Variants in SUPT7L observed in about 807,000 individuals in gnomAD.
The protein encoded by SUPT7L is STAGA complex 65 subunit gamma.
In SUPT7L, 15 loss-of-function variants were observed where a neutral mutation model predicts 35.7. The observed-to-expected ratio is 0.42, with a 90% confidence interval of 0.28 to 0.65. The LOEUF is 0.65. Ranked by LOEUF, SUPT7L falls within the 30% of genes least tolerant of loss-of-function variation. The pLI is 0.23. For synonymous variants in SUPT7L, 168 were observed against 186.2 expected (o/e 0.90, Z 0.79); for missense variants, 434 against 522.2 (o/e 0.83, Z 1.65).
At chr2:27,647,880 C>G (rs778110020), downstream of SUPT7L, 11 of 1,613,576 alleles carry the variant, frequency 6.8e-6, no homozygotes, top group East Asian at 2.2e-5. Flanking sequence ...GATCCTGACT[C>G]GAGGAACCTT....
chr2:27,647,532 C>A (rs185920315), downstream of SUPT7L, among the ~76,000 whole-genome samples: 36 of 152,284 alleles, frequency 2.4e-4, no homozygotes, highest in African/African-American at 8.4e-4. Flanking sequence ...AAAACCATCA[C>A]CCCTTCCAAG....
At chr2:27,658,642 A>C (rs1182262356) in intron 3 of SUPT7L, among the ~76,000 whole-genome samples, 1 of 152,246 alleles carries the variant, frequency 6.6e-6, no homozygotes, top group African/African-American at 2.4e-5. Flanking sequence ...GCACTGTACA[A>C]AAGTGCCTGA....
chr2:27,663,461 G>C lies in SUPT7L; in HGVS notation c.-222C>G, dbSNP rs1020968517. 3 of 360,196 alleles carry C rather than the reference G, an allele frequency of 8.3e-6. No homozygotes were observed. The highest frequency in any genetic ancestry group is 6.3e-5 in the African/African-American group (3 of 47,766). 22.3% of individuals were successfully genotyped at this position (360,196 alleles called of 1,614,324 possible). A position where few individuals can be genotyped will look rare whatever the true frequency, so the allele number is the denominator to read the frequency against. ...GGTCGCCTGACGTTCAGGGCAGCCG[G>C]AAGACGGGGAGGTCTGGACCTGAAC... On this transcript the variant is annotated 5_prime_UTR_variant, in exon 1 of 6. Coordinates refer to ENST00000337768, the MANE Select transcript of SUPT7L (RefSeq NM_014860.3).
At position 27,651,587 on chromosome 2, in the gene SUPT7L, C is replaced by T. The variant is rs144002046; in HGVS notation, c.*1898G>A. The T allele has an allele frequency of 1.0e-3, 157 of 152,322 alleles. 1 individual carries two copies. The highest frequency in any genetic ancestry group is 3.7e-3 in the African/African-American group (153 of 41,578). The allele number at this position is 152,322 out of a possible 1,614,324, so 9.4% of individuals were successfully genotyped here. On this transcript the variant is annotated 3_prime_UTR_variant, in exon 6 of 6. Transcript: ENST00000337768. Reference sequence around the variant, plus strand: ...AGCTATTCTTTAAGAGGAGAACATTCGCAAAACTCAAGCATACTTGGTTTT... The same window carrying T: ...AGCTATTCTTTAAGAGGAGAACATTTGCAAAACTCAAGCATACTTGGTTTT...
At chr2:27,661,939 C>A in intron 2 of SUPT7L, 2 of 577,832 alleles carry the variant, frequency 3.5e-6, no homozygotes, top group Non-Finnish European at 6.0e-6. Flanking sequence ...AATTTATGAA[C>A]CATTAATCTA....
rs769630642 is a variant in SUPT7L at position 27,651,141 on chromosome 2, G to C, written c.*2344C>G. ...AACAGCCCTTATAAACGTTTGCCCT[G>C]CCTCCACATTTTACAGTATCTTAAA... is the stretch of plus-strand genomic sequence containing the variant. On this transcript the variant is annotated 3_prime_UTR_variant, in exon 6 of 6. Transcript: ENST00000337768. 2.0e-5 allele frequency: 3 copies of C among 152,334 alleles called. No homozygotes were observed. Among genetic ancestry groups the C allele is most frequent in the Non-Finnish European group, 2.9e-5 (2 of 68,032 alleles). 9.4% of individuals were successfully genotyped at this position (152,334 alleles called of 1,614,324 possible).
chr2:27,662,069 G>T, intron 2 of SUPT7L, 110 bp downstream of exon 2: 1 of 1,467,724 alleles, frequency 6.8e-7, no homozygotes, highest in Non-Finnish European at 9.5e-7. Context: ...ACTGCTGCTA[G>T]ACTTACTCTT....
chr2:27,649,408 C>T (rs1170066434), downstream of SUPT7L, among the ~76,000 whole-genome samples: 1 of 151,984 alleles, frequency 6.6e-6, no homozygotes, highest in Non-Finnish European at 1.5e-5. Context: ...AACAGTGAAA[C>T]TCACTTTTTG....
At chr2:27,659,306 C>T (rs1318411900) in intron 3 of SUPT7L, among the ~76,000 whole-genome samples, 1 of 152,202 alleles carries the variant, frequency 6.6e-6, no homozygotes, top group Non-Finnish European at 1.5e-5. Context: ...CTGTACTTTT[C>T]TCATTAGTTT....
At chr2:27,653,817 T>G (rs1322639591) in intron 5 of SUPT7L, 70 bp from the exon 6 acceptor site, 1 of 1,581,824 alleles carries the variant, frequency 6.3e-7, no homozygotes, top group Non-Finnish European at 8.6e-7. Context: ...AAAGAGTAAA[T>G]ATATCACTCA....
downstream of SUPT7L, among the ~76,000 whole-genome samples, chr2:27,648,393 C>T (rs145228026): frequency 6.4e-4 from 98 of 152,196 alleles, no homozygotes; most frequent in African/African-American, 2.2e-3. Flanking sequence ...GTTACTCACA[C>T]CTGTAGTTCA....
chr2:27,657,460 G>A lies in SUPT7L; in HGVS notation c.629C>T (p.Thr210Ile), dbSNP rs1254620434. 6.2e-7 allele frequency: 1 copy of A among 1,614,266 alleles called. No individual in the cohort carries two copies. The highest frequency in any genetic ancestry group is 1.3e-5 in the African/African-American group (1 of 75,072). ...CTGCTCCATCACATCAGGAAAAGGA[G>A]TCTGTCCCAGCCGGGCCTCCCGGTC... ...AVDREARLGQTPFPDVMEQVF... is the reference protein window; with the variant it reads ...AVDREARLGQIPFPDVMEQVF... The change falls in exon 4 of 6, where the codon ACT (threonine) becomes ATT (isoleucine). Residue 210 changes from threonine to isoleucine, a missense_variant. Physicochemically the swap from Thr to Ile is moderately conservative, Grantham distance 89. Around this residue, in one of 3 missense-constraint regions of SUPT7L, gnomAD observed 198 missense variants for 190.8 expected, o/e 1.04. Coordinates refer to ENST00000337768, the MANE Select transcript of SUPT7L (RefSeq NM_014860.3). This position sits in a 1 kb window ranked among gnomAD's most constrained non-coding sequence, Gnocchi z 5.2.
the SUPT7L span, among the ~76,000 whole-genome samples, chr2:27,644,292 G>A: frequency 1.2e-4 from 19 of 152,170 alleles, no homozygotes; most frequent in Admixed American, 1.0e-3. Flanking sequence ...GTTTTCTAAT[G>A]TTCACCCATT....
downstream of SUPT7L, among the ~76,000 whole-genome samples, chr2:27,648,279 G>C (rs1441672491): frequency 6.6e-6 from 1 of 152,162 alleles, no homozygotes; most frequent in East Asian, 1.9e-4. Flanking sequence ...CACTGCTTTG[G>C]GAGGCCAAGT....
chr2:27,659,396 C>T (rs763547960), intron 3 of SUPT7L, among the ~76,000 whole-genome samples: 5 of 152,138 alleles, frequency 3.3e-5, no homozygotes, highest in South Asian at 4.2e-4. Flanking sequence ...GTATTCTTGC[C>T]GAACATATTT....
rs1047271548 is a variant in SUPT7L at position 27,657,201 on chromosome 2, G to A, written c.744+144C>T. 3.2e-5 allele frequency: 29 copies of A among 901,262 alleles called. 1 individual carries two copies. In the Middle Eastern group the frequency reaches 1.4e-3, roughly 43 times the overall value. The allele number at this position is 901,262 out of a possible 1,614,324, so 55.8% of individuals were successfully genotyped here. A position where few individuals can be genotyped will look rare whatever the true frequency, so the allele number is the denominator to read the frequency against. The stretch of plus-strand genomic sequence containing the variant: ...CCCATGGTATTTGGCCAGGAACATC[G>A]CTAGGGCCATCATAAAAGTATGTTA... On this transcript the variant is annotated intron_variant, in intron 4 of 5. Coordinates refer to ENST00000337768, the MANE Select transcript of SUPT7L (RefSeq NM_014860.3). This position sits in a 1 kb window ranked among gnomAD's most constrained non-coding sequence, Gnocchi z 5.2.
At chr2:27,661,646 T>C in intron 2 of SUPT7L, 3 of 1,337,470 alleles carry the variant, frequency 2.2e-6, no homozygotes, top group Non-Finnish European at 2.9e-6. Flanking sequence ...CTGGTTATTG[T>C]CATACTATGA....
At chr2:27,658,427 C>T (rs1380806335) in intron 3 of SUPT7L, among the ~76,000 whole-genome samples, 1 of 152,080 alleles carries the variant, frequency 6.6e-6, no homozygotes, top group African/African-American at 2.4e-5. Flanking sequence ...ATCACTACTG[C>T]AGAAATCTTA....
Position 27,655,525 on chromosome 2 carries a change from C to T in SUPT7L, c.822G>A (p.Lys274=). 1 of 1,614,140 alleles carries T rather than the reference C, an allele frequency of 6.2e-7. No individual in the cohort carries two copies. The highest frequency in any genetic ancestry group is 8.5e-7 in the Non-Finnish European group (1 of 1,179,992). The change falls in exon 5 of 6, where the codon AAG becomes AAA. Residue 274 remains lysine (K), a synonymous_variant. Coordinates refer to ENST00000337768, the MANE Select transcript of SUPT7L (RefSeq NM_014860.3). ...EKATEDAKPV[K]IKEEPVSDIT... is the part of the protein sequence containing the mutation. ...TGTCGCTCACAGGTTCCTCCTTGAT[C>T]TTCACAGGTTTAGCGTCCTCTGTGG... is the stretch of plus-strand genomic sequence containing the variant.
Sources: gnomAD v4.1 joint callset for allele counts (sites outside exome capture counted in the v4.1 genomes callset) on GRCh38, gnomAD v4.1.1 for gene constraint, gnomAD v4.1.1 regional missense constraint, Gnocchi (gnomAD v3.1) non-coding constraint, MANE v1.5 for transcripts, NCBI Gene and HGNC (gene_info 2026-07-23, HGNC 2026-07-21) for gene names.